The following ZNF705B variants were observed in gnomAD, a reference collection of about 807,000 sequenced individuals.
ZNF705B encodes Putative zinc finger protein 705D-like protein LOC100132396.
Under a neutral mutation model 10.5 loss-of-function variants are expected in ZNF705B, and 1 was observed. The observed-to-expected ratio is 0.10, with a 90% CI of 0.03 to 0.45. The LOEUF is 0.45. Among genes scored for constraint, ZNF705B ranks in the 20% least tolerant of loss-of-function variants. ZNF705B has a pLI of 0.97. For missense variants in ZNF705B, 14 were observed against 84.0 expected (o/e 0.17, Z 3.26); for synonymous variants, 4 against 25.4 (o/e 0.16, Z 2.53).
intron 2 of ZNF705B, among the ~76,000 whole-genome samples, chr8:7,938,957 C>CT (rs1261314835): frequency 3.7e-4 from 27 of 72,010 alleles, no homozygotes; most frequent in African/African-American, 9.9e-4. Flanking sequence ...ACTGAGAATC[C>CT]TTTTTTTTTA....
chr8:7,928,240 A>T (rs1197390838), intron 1 of ZNF705B, among the ~76,000 whole-genome samples: 2 of 115,102 alleles, frequency 1.7e-5, no homozygotes, highest in African/African-American at 5.2e-5. Context: ...ACCTCCTCAA[A>T]GCCCGCACCT....
chr8:7,928,461 A>G (rs1819756800), intron 1 of ZNF705B, among the ~76,000 whole-genome samples: 1 of 120,760 alleles, frequency 8.3e-6, no homozygotes, highest in African/African-American at 2.5e-5. Flanking sequence ...GGGGCTGAGG[A>G]AGTAAGGTAA....
At chr8:7,940,469 C>G (rs1303912921) in intron 2 of ZNF705B, among the ~76,000 whole-genome samples, 6 of 119,006 alleles carry the variant, frequency 5.0e-5, no homozygotes, top group African/African-American at 1.7e-4. Context: ...AAAATCTACC[C>G]TTTTAGCAAA....
chr8:7,933,928 A>ATTTTTTTTTT (rs1441452227), intron 2 of ZNF705B, among the ~76,000 whole-genome samples: 3 of 49,256 alleles, frequency 6.1e-5, no homozygotes, highest in African/African-American at 2.2e-4. Context: ...TGTAATATAA[A>ATTTTTTTTTT]CTTTTTTTTT....
chr8:7,931,224 A>G (rs1393708587), intron 2 of ZNF705B, among the ~76,000 whole-genome samples: 2 of 121,106 alleles, frequency 1.7e-5, no homozygotes, highest in African/African-American at 2.5e-5. Flanking sequence ...CATGTGTAGC[A>G]TCAGCAATTG....
At chr8:7,941,206 G>A (rs1212543166) in intron 2 of ZNF705B, among the ~76,000 whole-genome samples, 2 of 145,484 alleles carry the variant, frequency 1.4e-5, no homozygotes, top group Middle Eastern at 3.5e-3. Flanking sequence ...TATATACCCA[G>A]TAATGGGATT....
intron 2 of ZNF705B, among the ~76,000 whole-genome samples, chr8:7,941,108 A>G (rs1303766431): frequency 2.0e-5 from 3 of 148,400 alleles, no homozygotes; most frequent in Non-Finnish European, 4.5e-5. Flanking sequence ...ATTTGGGTTG[A>G]TTCCATGTCT....
At chr8:7,935,343 A>G (rs2128943260) in intron 2 of ZNF705B, among the ~76,000 whole-genome samples, 1 of 147,590 alleles carries the variant, frequency 6.8e-6, no homozygotes. Flanking sequence ...AAAATATTGA[A>G]TAGTATTTCA....
At chr8:7,940,605 C>G (rs1408316199) in intron 2 of ZNF705B, among the ~76,000 whole-genome samples, 1 of 133,604 alleles carries the variant, frequency 7.5e-6, no homozygotes, top group Non-Finnish European at 1.7e-5. Flanking sequence ...TCCCCAGCAC[C>G]AGGGCCCCTG....
intron 2 of ZNF705B, among the ~76,000 whole-genome samples, chr8:7,932,244 G>A (rs1420865454): frequency 1.7e-5 from 2 of 117,136 alleles, no homozygotes; most frequent in African/African-American, 5.6e-5. Flanking sequence ...ACACTGGAGA[G>A]CCTGTCCTGG....
intron 2 of ZNF705B, among the ~76,000 whole-genome samples, chr8:7,930,818 G>A (rs1354918436): frequency 1.4e-4 from 16 of 111,454 alleles, no homozygotes; most frequent in African/African-American, 2.3e-4. Flanking sequence ...CAGACATCAC[G>A]GCAAAGATGT....
intron 2 of ZNF705B, among the ~76,000 whole-genome samples, chr8:7,940,743 A>C (rs1354279906): frequency 6.9e-5 from 10 of 145,202 alleles, no homozygotes; most frequent in Non-Finnish European, 1.1e-4. Flanking sequence ...CTCCAAGTCC[A>C]TCCATGTTGT....
rs1418685874 is a variant in ZNF705B, at chr8:7,930,058, G to C, written c.-221-229G>C. On this transcript the variant is annotated intron_variant, in intron 1 of 6. Coordinates refer to ENST00000400120, the MANE Select transcript of ZNF705B (RefSeq NM_001193630.1). Reference sequence around the variant, plus strand: ...GTTACATGGGAATATGGTATTATGTGGTGGTTTGGAGTATGGATCTCATTA... The same window carrying C: ...GTTACATGGGAATATGGTATTATGTCGTGGTTTGGAGTATGGATCTCATTA... Among the ~76,000 whole-genome samples, 3 of 105,176 alleles carry C rather than the reference G, an allele frequency of 2.9e-5. No homozygotes were observed. In the East Asian group the frequency reaches 8.4e-4, roughly 29 times the overall value. The allele number at this position is 105,176 out of a possible 152,430, so 69.0% of individuals were successfully genotyped here.
intron 1 of ZNF705B, among the ~76,000 whole-genome samples, chr8:7,928,591 C>T (rs1300985722): frequency 1.8e-5 from 2 of 111,762 alleles, no homozygotes; most frequent in African/African-American, 2.6e-5. Flanking sequence ...AGTGTTTTAC[C>T]GTGTATACTT....
Position 7,932,674 on chromosome 8 carries a change from A to G in ZNF705B, c.-72+2238A>G. 1.6e-5 allele frequency among the ~76,000 whole-genome samples: 2 copies of G among 121,222 alleles called. 1 individual carries two copies. The highest frequency in any genetic ancestry group is 5.0e-5 in the African/African-American group (2 of 39,772). 79.5% of individuals were successfully genotyped at this position (121,222 alleles called of 152,430 possible). On this transcript the variant is annotated intron_variant, in intron 2 of 6. Coordinates refer to ENST00000400120, the MANE Select transcript of ZNF705B (RefSeq NM_001193630.1). ...ATATATCTCAGTCTCTGAGATTTTG[A>G]ACCCAATGTTTTGAACTTTTTGAGA...
chr8:7,929,078 A>G (rs1424264356), intron 1 of ZNF705B, among the ~76,000 whole-genome samples: 1 of 121,456 alleles, frequency 8.2e-6, no homozygotes, highest in Admixed American at 9.4e-5. Flanking sequence ...GTGTACCCCA[A>G]AAACTACTGA....
intron 2 of ZNF705B, among the ~76,000 whole-genome samples, chr8:7,937,713 C>T (rs1264762257): frequency 9.4e-6 from 1 of 106,310 alleles, no homozygotes; most frequent in African/African-American, 2.7e-5. Flanking sequence ...ATGTTGTGTG[C>T]TACCGAGTTA....
chr8:7,932,965 G>A (rs2739899), intron 2 of ZNF705B, among the ~76,000 whole-genome samples: 9,963 of 109,742 alleles, frequency 0.091, 979 homozygotes, highest in African/African-American at 0.2. Context: ...GCAGAATAAT[G>A]TCCCCTCTGT....
chr8:7,933,967 G>C (rs1434914260), intron 2 of ZNF705B, among the ~76,000 whole-genome samples: 1 of 82,642 alleles, frequency 1.2e-5, no homozygotes, highest in African/African-American at 5.5e-5. Context: ...TTGAGACAGT[G>C]TCTTACTCTG....
Sources: gnomAD v4.1 joint callset for allele counts (sites outside exome capture counted in the v4.1 genomes callset) on GRCh38, gnomAD v4.1.1 for gene constraint, MANE v1.5 for transcripts, NCBI Gene and HGNC (gene_info 2026-07-23, HGNC 2026-07-21) for gene names.